The following GSE1 variants were observed in gnomAD, a reference collection of about 807,000 sequenced individuals.
GSE1 encodes genetic suppressor element 1.
GSE1 carries 32 observed loss-of-function variants against 112.6 expected under a neutral mutation model. The observed-to-expected ratio is 0.28, with a 90% CI of 0.21 to 0.38. The LOEUF is 0.38. Among genes scored for constraint, GSE1 ranks in the 10% least tolerant of loss-of-function variants. GSE1 has a pLI of 1.00. For synonymous variants in GSE1, 1,115 were observed against 735.6 expected (o/e 1.52, Z -8.35); for missense variants, 2,348 against 1,699.2 (o/e 1.38, Z -6.71).
intron 2 of GSE1, among the ~76,000 whole-genome samples, chr16:85,445,437 C>T (rs1025293750): frequency 6.6e-6 from 1 of 152,160 alleles, no homozygotes; most frequent in Non-Finnish European, 1.5e-5. Flanking sequence ...CCACGCACAG[C>T]GAGGGGGGGC....
chr16:85,451,304 G>C (rs1304544732), intron 2 of GSE1, among the ~76,000 whole-genome samples: 1 of 152,172 alleles, frequency 6.6e-6, no homozygotes, highest in Non-Finnish European at 1.5e-5. Context: ...TTTCTGACTT[G>C]ATTGTTTCAC....
Position 85,656,505 on chromosome 16 carries a change from G to A in GSE1, c.1152G>A (p.Glu384=). 6.5e-7 allele frequency: 1 copy of A among 1,548,488 alleles called. No homozygotes were observed. The change falls in exon 7 of 16, where the codon GAG becomes GAA. Residue 384 remains glutamate, a synonymous_variant. Transcript: ENST00000253458. The part of the protein sequence containing the change: ...EREREKERER[E]LERQREQRAR... ...AGCGTGAGAAGGAGCGCGAGCGCGA[G>A]CTGGAGCGCCAGCGGGAGCAGCGGG...
chr16:85,190,835 C>T (rs2074804600), intron 1 of GSE1, among the ~76,000 whole-genome samples: 1 of 152,264 alleles, frequency 6.6e-6, no homozygotes, highest in African/African-American at 2.4e-5. Context: ...AAAGGGCGGA[C>T]TCACCAGGGT....
chr16:85,339,733 G>A (rs909061231), intron 1 of GSE1, among the ~76,000 whole-genome samples: 1 of 152,178 alleles, frequency 6.6e-6, no homozygotes. Flanking sequence ...GCTGGTGAGA[G>A]TCTTAGACTC....
chr16:85,454,797 AC>A (rs1411221060), intron 2 of GSE1, among the ~76,000 whole-genome samples: 1 of 151,886 alleles, frequency 6.6e-6, no homozygotes, highest in Non-Finnish European at 1.5e-5. Flanking sequence ...CTATGGGTCC[AC>A]GTCTCCTTCT....
In GSE1 at chr16:85,425,712, T is replaced by C. The variant is rs147957309; in HGVS notation, c.2464+68069T>C. 4.6e-5 allele frequency among the ~76,000 whole-genome samples: 7 copies of C among 151,984 alleles called. 1 individual carries two copies. In the East Asian group the frequency reaches 1.4e-3, roughly 29 times the overall value. On this transcript the variant is annotated intron_variant, in intron 2 of 2. Coordinates refer to the GSE1 transcript ENST00000637419. The stretch of plus-strand genomic sequence containing the variant: ...TTACCCATCGCACTGAGCAGTCTTA[T>C]CTCCTGACCACTTACCACTAGGAAG...
chr16:85,415,558 C>T (rs1057224054), intron 2 of GSE1, among the ~76,000 whole-genome samples: 1 of 152,218 alleles, frequency 6.6e-6, no homozygotes, highest in African/African-American at 2.4e-5. Context: ...TCTCAGCCCC[C>T]GTCCCCTACC....
chr16:85,278,413 G>C (rs887163048), intron 1 of GSE1, among the ~76,000 whole-genome samples: 6 of 152,156 alleles, frequency 3.9e-5, no homozygotes, highest in African/African-American at 1.2e-4. Context: ...TTTTTCATTA[G>C]GTTTTTGAGA....
chr16:85,520,064 G>C (rs977679980), intron 2 of GSE1, among the ~76,000 whole-genome samples: 1 of 152,186 alleles, frequency 6.6e-6, no homozygotes, highest in Non-Finnish European at 1.5e-5. Flanking sequence ...AAATACCATA[G>C]ACCAGGTGGC....
intron 1 of GSE1, among the ~76,000 whole-genome samples, chr16:85,177,804 A>T (rs988818173): frequency 6.6e-6 from 1 of 152,098 alleles, no homozygotes; most frequent in African/African-American, 2.4e-5. Context: ...GGAGGATAAC[A>T]TGTTAGGGTC....
intron 1 of GSE1, among the ~76,000 whole-genome samples, chr16:85,291,467 C>T (rs2045208292): frequency 6.6e-6 from 1 of 152,252 alleles, no homozygotes; most frequent in Admixed American, 6.5e-5. Flanking sequence ...CCGCCCTCCC[C>T]AGCCTCCTCC....
In GSE1 at chr16:85,673,174, G is replaced by A. The variant is rs2053479217; in HGVS notation, c.*635G>A. ...TAAAGATAAAACCAATTCACAAACT[G>A]AAGGTAGCTTTTTATTACTCCGTGG... On this transcript the variant is annotated 3_prime_UTR_variant, in exon 16 of 16. Coordinates refer to ENST00000253458, the MANE Select transcript of GSE1 (RefSeq NM_014615.5). The A allele has an allele frequency of 6.6e-6, 1 of 152,546 alleles. No homozygotes were observed. Among genetic ancestry groups the A allele is most frequent in the African/African-American group, 2.4e-5 (1 of 41,404 alleles). 9.4% of individuals were successfully genotyped at this position (152,546 alleles called of 1,614,324 possible).
chr16:85,658,156 T>A (rs566758339), intron 8 of GSE1, among the ~76,000 whole-genome samples: 3 of 152,356 alleles, frequency 2.0e-5, no homozygotes, highest in Admixed American at 6.5e-5. Context: ...ACAGGTCTTA[T>A]GAGCTGGGCC....
intron 1 of GSE1, among the ~76,000 whole-genome samples, chr16:85,321,647 T>C (rs79365868): frequency 0.036 from 5,388 of 151,726 alleles, 317 homozygotes; most frequent in African/African-American, 0.12. Context: ...AAAAAAATTT[T>C]GTTAATATAA....
intron 2 of GSE1, among the ~76,000 whole-genome samples, chr16:85,461,276 G>A (rs576656469): frequency 5.3e-5 from 8 of 152,354 alleles, no homozygotes; most frequent in Admixed American, 1.3e-4. Flanking sequence ...CCCACCAGGT[G>A]CCAGCAGCGC....
chr16:85,536,171 G>T (rs1261400954), intron 2 of GSE1, among the ~76,000 whole-genome samples: 1 of 152,208 alleles, frequency 6.6e-6, no homozygotes, highest in Admixed American at 6.5e-5. Context: ...TTTTGGCCAG[G>T]TCACCAACAA....
At chr16:85,503,990 T>C (rs1242374833) in intron 2 of GSE1, among the ~76,000 whole-genome samples, 1 of 152,174 alleles carries the variant, frequency 6.6e-6, no homozygotes, top group Non-Finnish European at 1.5e-5. Context: ...GGTGTGGCGG[T>C]GGTCACCGGA....
intron 14 of GSE1, among the ~76,000 whole-genome samples, chr16:85,668,825 ACT>A (rs1276621481): frequency 6.6e-6 from 1 of 151,870 alleles, no homozygotes; most frequent in East Asian, 1.9e-4. Flanking sequence ...CTAGTGACAG[ACT>A]CCCCACACTG....
At chr16:85,650,157 G>A (rs921946788) in intron 3 of GSE1, among the ~76,000 whole-genome samples, 1 of 152,210 alleles carries the variant, frequency 6.6e-6, no homozygotes, top group Non-Finnish European at 1.5e-5. Flanking sequence ...GTGGCCTGGA[G>A]GGTGGACCCT....
Sources: gnomAD v4.1 joint callset for allele counts (sites outside exome capture counted in the v4.1 genomes callset) on GRCh38, gnomAD v4.1.1 for gene constraint, MANE v1.5 for transcripts, NCBI Gene and HGNC (gene_info 2026-07-23, HGNC 2026-07-21) for gene names.